THADA: variants seen among roughly 807,000 people sequenced by gnomAD.
THADA encodes the protein tRNA (32-2'-O)-methyltransferase regulator THADA.
In THADA, 213 loss-of-function variants were observed where a neutral mutation model predicts 219.8. That is an observed-to-expected ratio of 0.97 (90% CI 0.87 to 1.09). THADA has a LOEUF of 1.09. Among genes scored for constraint, THADA ranks in the 50% least tolerant of loss-of-function variants. THADA has a pLI of 0.00. For synonymous variants in THADA, 1,018 were observed against 828.9 expected (o/e 1.23, Z -3.92); for missense variants, 2,956 against 2,311.3 (o/e 1.28, Z -5.72).
intron 26 of THADA, among the ~76,000 whole-genome samples, chr2:43,438,461 T>C (rs1680424947): frequency 6.6e-6 from 1 of 152,202 alleles, no homozygotes; most frequent in Non-Finnish European, 1.5e-5. Context: ...TAGGATTTTC[T>C]TGAAAGTCAG....
At chr2:43,569,780 G>A (rs1192872963) in intron 14 of THADA, among the ~76,000 whole-genome samples, 1 of 152,192 alleles carries the variant, frequency 6.6e-6, no homozygotes, top group Non-Finnish European at 1.5e-5. Flanking sequence ...TCAAAGGCTA[G>A]ATTTGGGGGA....
chr2:43,538,020 T>C (rs1694826696), intron 21 of THADA, among the ~76,000 whole-genome samples: 1 of 152,104 alleles, frequency 6.6e-6, no homozygotes, highest in African/African-American at 2.4e-5. Flanking sequence ...ACTCGTGTGA[T>C]TTCTGTGGCG....
chr2:43,329,067 T>A (rs1679666971), intron 30 of THADA, among the ~76,000 whole-genome samples: 1 of 152,180 alleles, frequency 6.6e-6, no homozygotes, highest in Non-Finnish European at 1.5e-5. Context: ...GAAACTGTTT[T>A]AGAGGGTGTA....
Position 43,571,800 on chromosome 2 carries a change from C to T in THADA, c.1971G>A (p.Met657Ile). The T allele has an allele frequency of 6.2e-7, 1 of 1,613,902 alleles. No homozygotes were observed. The highest frequency in any genetic ancestry group is 8.5e-7 in the Non-Finnish European group (1 of 1,179,820). ...AGAACTGAATCCACTGCATTTCTTCCATGGAAACAATTTCTGTGCTCCGAT... is the reference window on the plus strand; with the variant it reads ...AGAACTGAATCCACTGCATTTCTTCTATGGAAACAATTTCTGTGCTCCGAT... ...ESNRSTEIVS[M>I]EEMQWIQFFI... Residue 657 changes from methionine (M) to isoleucine (I), a missense_variant, in exon 13 of 38, where the codon ATG becomes ATA. By Grantham distance (10) the Met-to-Ile change is conservative. Coordinates refer to ENST00000405975, the MANE Select transcript of THADA (RefSeq NM_022065.5).
At chr2:43,460,769 ATT>A (rs1370432065) in intron 26 of THADA, among the ~76,000 whole-genome samples, 1 of 152,224 alleles carries the variant, frequency 6.6e-6, no homozygotes, top group Non-Finnish European at 1.5e-5. Flanking sequence ...GTGGTATAAC[ATT>A]GCTCTGGAGG....
At chr2:43,466,543 T>A (rs958039121) in intron 26 of THADA, among the ~76,000 whole-genome samples, 1 of 152,168 alleles carries the variant, frequency 6.6e-6, no homozygotes, top group African/African-American at 2.4e-5. Flanking sequence ...GATTCTGAGA[T>A]CTTTGTGGGC....
At chr2:43,486,990 A>G (rs1319764447) in intron 25 of THADA, among the ~76,000 whole-genome samples, 1 of 152,188 alleles carries the variant, frequency 6.6e-6, no homozygotes, top group Non-Finnish European at 1.5e-5. Context: ...TTACAGATAT[A>G]CTGGCACAAT....
In THADA at chr2:43,400,161, G is replaced by C. The variant is rs189804582; in HGVS notation, c.4059-2022C>G. Among the ~76,000 whole-genome samples the C allele has an allele frequency of 4.0e-3, 608 of 152,160 alleles. 1 individual carries two copies. Among genetic ancestry groups the C allele is most frequent in the Non-Finnish European group, 6.9e-3 (472 of 68,000 alleles). On this transcript the variant is annotated intron_variant, in intron 28 of 37. Coordinates refer to ENST00000405975, the MANE Select transcript of THADA (RefSeq NM_022065.5). ...AAAGAATGCCCCTCCTTTTGCTCCT[G>C]ACTTTTGTAAATGATGATTTCCCAA...
Position 43,232,901 on chromosome 2 carries a change from G to T in THADA, c.5297-19C>A. The T allele has an allele frequency of 6.3e-7, 1 of 1,599,940 alleles. No homozygotes were observed. Among genetic ancestry groups the T allele is most frequent in the African/African-American group, 1.3e-5 (1 of 74,786 alleles). ...GCAAACTCTGCAAAGACAGGAGAAAGGTGAGCAATGAATATACTGCTCAGG... is the reference window on the plus strand; with the variant it reads ...GCAAACTCTGCAAAGACAGGAGAAATGTGAGCAATGAATATACTGCTCAGG... On this transcript the variant is annotated intron_variant, in intron 36 of 37. Transcript: ENST00000405975.
At chr2:43,583,993 T>TC (rs1700739009) in intron 7 of THADA, among the ~76,000 whole-genome samples, 1 of 127,938 alleles carries the variant, frequency 7.8e-6, no homozygotes, top group Non-Finnish European at 1.6e-5. Flanking sequence ...TGAGCCAAAA[T>TC]CCTGCACTCC....
At chr2:43,495,557 T>C (rs766757038) in intron 25 of THADA, among the ~76,000 whole-genome samples, 43 of 152,148 alleles carry the variant, frequency 2.8e-4, no homozygotes, top group Non-Finnish European at 5.6e-4. Flanking sequence ...ATTATGCTTT[T>C]CTTTATTTTC....
At chr2:43,531,126 T>C (rs1693812245) in intron 21 of THADA, among the ~76,000 whole-genome samples, 1 of 152,198 alleles carries the variant, frequency 6.6e-6, no homozygotes, top group South Asian at 2.1e-4. Context: ...GGCTTTTAGT[T>C]CACTTTGGCA....
At chr2:43,264,063 C>T (rs554673224) in intron 36 of THADA, among the ~76,000 whole-genome samples, 3 of 152,278 alleles carry the variant, frequency 2.0e-5, no homozygotes, top group African/African-American at 7.2e-5. Flanking sequence ...TCCATCTAGG[C>T]AAACCTACCC....
At chr2:43,582,907 T>C (rs1236741947) in intron 7 of THADA, among the ~76,000 whole-genome samples, 1 of 152,092 alleles carries the variant, frequency 6.6e-6, no homozygotes, top group African/African-American at 2.4e-5. Context: ...TCGCAGATTT[T>C]CCCCTACTTC....
At chr2:43,251,523 T>C (rs964901708) in intron 36 of THADA, among the ~76,000 whole-genome samples, 2 of 152,230 alleles carry the variant, frequency 1.3e-5, no homozygotes, top group African/African-American at 4.8e-5. Flanking sequence ...GCTCACCTGG[T>C]CTGCTTCCTG....
chr2:43,339,331 A>G (rs1042953490), intron 30 of THADA, among the ~76,000 whole-genome samples: 1 of 152,186 alleles, frequency 6.6e-6, no homozygotes, highest in Admixed American at 6.5e-5. Flanking sequence ...CTCGGGTTGG[A>G]ATGCAGTGGC....
chr2:43,532,641 T>C (rs145118296), intron 21 of THADA, among the ~76,000 whole-genome samples: 1,703 of 152,166 alleles, frequency 0.011, 37 homozygotes, highest in African/African-American at 0.039. Context: ...CCATAGCCAA[T>C]ATCACACTGA....
At chr2:43,310,924 C>A (rs189883275) in intron 31 of THADA, among the ~76,000 whole-genome samples, 2 of 152,300 alleles carry the variant, frequency 1.3e-5, no homozygotes, top group Admixed American at 6.5e-5. Context: ...CGCCTGTAAT[C>A]CCAGCACTTT....
chr2:43,333,458 T>C lies in THADA; in HGVS notation c.4343+10664A>G, dbSNP rs78493150. ...TGAAAAGCAGTTACTACCTCTTCCA[T>C]TTTTTTCCTAAAAAAAAAAAATAAC... On this transcript the variant is annotated intron_variant, in intron 30 of 37. Transcript: ENST00000405975. Among the ~76,000 whole-genome samples, 32 of 150,216 alleles carry C rather than the reference T, an allele frequency of 2.1e-4. No homozygotes were observed. The East Asian group carries it at 6.1e-3, about 28-fold the overall frequency.
Sources: gnomAD v4.1 joint callset for allele counts (sites outside exome capture counted in the v4.1 genomes callset) on GRCh38, gnomAD v4.1.1 for gene constraint, MANE v1.5 for transcripts, NCBI Gene and HGNC (gene_info 2026-07-23, HGNC 2026-07-21) for gene names.